NPHP4: variants seen among roughly 807,000 people sequenced by gnomAD.
The protein encoded by NPHP4 is nephrocystin-4.
NPHP4 carries 151 observed loss-of-function variants against 155.8 expected under a neutral mutation model. That is an observed-to-expected ratio of 0.97 (90% CI 0.85 to 1.11). The LOEUF is 1.11. Among genes scored for constraint, NPHP4 ranks in the 50% least tolerant of loss-of-function variants. NPHP4 has a pLI of 0.00. For missense variants in NPHP4, 1,956 were observed against 1,925.7 expected, an observed-to-expected ratio of 1.02 and a Z score of -0.29; for synonymous variants, 845 against 816.8, an observed-to-expected ratio of 1.03 and a Z score of -0.59.
At position 5,874,666 on chromosome 1, in the gene NPHP4, G is replaced by A. The variant is rs1388935352; in HGVS notation, c.3045-9C>T. On this transcript the variant is annotated splice_polypyrimidine_tract_variant and intron_variant, in intron 21 of 29. Coordinates refer to ENST00000378156, the MANE Select transcript of NPHP4 (RefSeq NM_015102.5). ...GACTGTCCACGATGACGCTGGGGGA[G>A]GCAGTGTCCAGGCGTCAGGGCAGTT... 6.2e-7 allele frequency: 1 copy of A among 1,610,390 alleles called. No homozygotes were observed.
chr1:5,947,437 C>T (rs1647166712), intron 8 of NPHP4, among the ~76,000 whole-genome samples: 1 of 152,228 alleles, frequency 6.6e-6, no homozygotes. Flanking sequence ...AGATGGGGGT[C>T]TCACTAGGCT....
At position 5,933,301 on chromosome 1, in the gene NPHP4, AG is replaced by A; in HGVS notation, c.1147del (p.Leu383TrpfsTer23). ...CCAGCGGACCATGTGCATGCATGCC[AG>A]GTTGGACAGAGAGGTGACCGAAGCT... ...NAASVTSLSN[L>X]ACMHMVRWAV... On this transcript the variant is annotated frameshift_variant, in exon 10 of 30. Coordinates refer to ENST00000378156, the MANE Select transcript of NPHP4 (RefSeq NM_015102.5). LOFTEE classifies it high-confidence loss of function. The A allele has an allele frequency of 6.2e-7, 1 of 1,613,326 alleles. No homozygotes were observed.
chr1:5,902,546 G>A (rs1267431033), intron 16 of NPHP4, among the ~76,000 whole-genome samples: 1 of 152,228 alleles, frequency 6.6e-6, no homozygotes, highest in Non-Finnish European at 1.5e-5. Flanking sequence ...GTGCCCAACT[G>A]TTTGGTTGAC....
intron 6 of NPHP4, among the ~76,000 whole-genome samples, chr1:5,956,952 G>A (rs539666266): frequency 3.9e-5 from 6 of 152,246 alleles, no homozygotes; most frequent in Admixed American, 1.3e-4. Flanking sequence ...GCAGACAACC[G>A]CCACAGGTCT....
intron 2 of NPHP4, among the ~76,000 whole-genome samples, chr1:5,981,868 T>C (rs1253106349): frequency 6.6e-6 from 1 of 152,224 alleles, no homozygotes; most frequent in Admixed American, 6.5e-5. Flanking sequence ...TGTGTTAATA[T>C]TCATGAGGGA....
intron 16 of NPHP4, among the ~76,000 whole-genome samples, chr1:5,898,625 T>C (rs1644515207): frequency 6.6e-6 from 1 of 152,230 alleles, no homozygotes; most frequent in Non-Finnish European, 1.5e-5. Context: ...AACCAAGGCA[T>C]TCTCCCATCT....
intron 11 of NPHP4, among the ~76,000 whole-genome samples, chr1:5,925,418 C>T (rs1166599887): frequency 6.6e-6 from 1 of 152,132 alleles, no homozygotes; most frequent in Non-Finnish European, 1.5e-5. Context: ...CCCACGGATA[C>T]CGAGGGATAA....
intron 9 of NPHP4, among the ~76,000 whole-genome samples, chr1:5,942,916 A>G (rs576081460): frequency 1.3e-3 from 198 of 152,340 alleles, no homozygotes; most frequent in African/African-American, 4.4e-3. Flanking sequence ...CATGAAACGC[A>G]GCCAAGACAC....
intron 11 of NPHP4, among the ~76,000 whole-genome samples, chr1:5,918,783 G>T (rs1645594544): frequency 1.3e-5 from 2 of 152,178 alleles, no homozygotes; most frequent in Non-Finnish European, 2.9e-5. Flanking sequence ...TATCCCAAAA[G>T]TTAACACAAG....
intron 7 of NPHP4, among the ~76,000 whole-genome samples, chr1:5,951,015 G>A (rs1260975661): frequency 2.6e-5 from 4 of 152,120 alleles, no homozygotes; most frequent in Non-Finnish European, 5.9e-5. Context: ...AAACAAAACA[G>A]AAGAAAAAAG....
intron 11 of NPHP4, among the ~76,000 whole-genome samples, chr1:5,920,880 G>A (rs192819980): frequency 2.1e-4 from 32 of 151,968 alleles, no homozygotes; most frequent in Admixed American, 6.5e-4. Context: ...TTTCTCAATC[G>A]TCTCTTTGGT....
chr1:5,865,595 T>A (rs1021326520), intron 26 of NPHP4: 12 of 264,232 alleles, frequency 4.5e-5, no homozygotes, highest in Non-Finnish European at 7.9e-5. Flanking sequence ...CAAACACACA[T>A]CCTGGACAAG....
rs1349488170 is a variant in NPHP4 at position 5,933,299 on chromosome 1, C to T, written c.1150G>A (p.Ala384Thr). 3.1e-6 allele frequency: 5 copies of T among 1,613,176 alleles called. No individual in the cohort carries two copies. In the African/African-American group the frequency reaches 5.3e-5, roughly 17 times the overall value. ...GCCCAGCGGACCATGTGCATGCATG[C>T]CAGGTTGGACAGAGAGGTGACCGAA... ...AASVTSLSNL[A>T]CMHMVRWAVW... Residue 384 changes from alanine (A) to threonine (T), a missense_variant, in exon 10 of 30, where the codon GCA becomes ACA. Transcript: ENST00000378156.
At chr1:5,931,849 A>T (rs1646293160) in intron 10 of NPHP4, among the ~76,000 whole-genome samples, 1 of 151,820 alleles carries the variant, frequency 6.6e-6, no homozygotes, top group Admixed American at 6.6e-5. Flanking sequence ...CCAAGGTAGG[A>T]GGATCCCTTG....
rs1277086065 is a variant in NPHP4 at position 5,867,312 on chromosome 1, C to G, written c.3473-197G>C. 2 of 580,610 alleles carry G rather than the reference C, an allele frequency of 3.4e-6. No homozygotes were observed. Among genetic ancestry groups the G allele is most frequent in the Admixed American group, 3.1e-5 (1 of 31,878 alleles). 36.0% of individuals were successfully genotyped at this position (580,610 alleles called of 1,614,324 possible). On this transcript the variant is annotated intron_variant, in intron 24 of 29. Transcript: ENST00000378156. The surrounding 1 kb of genome is among the most constrained non-coding windows in gnomAD (Gnocchi z 4.1). ...TGTTCCCTGCATGGACACCGCCCAT[C>G]CAGCCCACTGCGGCTCGGCTGCAGC...
intron 11 of NPHP4, among the ~76,000 whole-genome samples, chr1:5,922,954 T>C (rs1645819046): frequency 6.6e-6 from 1 of 152,208 alleles, no homozygotes; most frequent in African/African-American, 2.4e-5. Context: ...GCTGTGATTA[T>C]GGCACGCACT....
intron 16 of NPHP4, among the ~76,000 whole-genome samples, chr1:5,901,179 TA>T (rs1375079051): frequency 6.6e-6 from 1 of 152,214 alleles, no homozygotes; most frequent in African/African-American, 2.4e-5. Context: ...AAAACTGATC[TA>T]AAAAAATAAA....
intron 18 of NPHP4, among the ~76,000 whole-genome samples, chr1:5,886,267 C>A (rs550717192): frequency 5.8e-4 from 88 of 152,342 alleles, no homozygotes; most frequent in African/African-American, 2.1e-3. Flanking sequence ...ATTTACCAGG[C>A]CGCCTCGGAT....
chr1:5,876,998 TA>T (rs1174712648), intron 20 of NPHP4, 94 bp downstream of exon 20: 5 of 866,034 alleles, frequency 5.8e-6, no homozygotes, highest in South Asian at 5.4e-5. Flanking sequence ...GGGAGGAAGG[TA>T]AGAGAGAATC....
Sources: allele counts gnomAD v4.1 joint callset (sites outside exome capture counted in the v4.1 genomes callset), GRCh38; gene constraint gnomAD v4.1.1; non-coding constraint Gnocchi (gnomAD v3.1); transcripts MANE v1.5; gene names NCBI Gene and HGNC (gene_info 2026-07-23, HGNC 2026-07-21).